The following TTC7B variants were observed in gnomAD, a reference collection of about 807,000 sequenced individuals.
The protein encoded by TTC7B is tetratricopeptide repeat domain 7B, also known as tetratricopeptide repeat protein 7B.
A neutral mutation model predicts 106.8 loss-of-function variants in TTC7B; 28 were observed. That is an observed-to-expected ratio of 0.26 (90% confidence interval 0.19 to 0.36). The LOEUF is 0.36. Ranked by LOEUF, TTC7B falls within the 10% of genes least tolerant of loss-of-function variation. The pLI is 1.00. For missense variants in TTC7B, 862 were observed against 1,076.4 expected (o/e 0.80, Z 2.79); for synonymous variants, 405 against 430.6 (o/e 0.94, Z 0.74).
chr14:90,606,734 T>G (rs1472265657), intron 17 of TTC7B, among the ~76,000 whole-genome samples: 1 of 152,164 alleles, frequency 6.6e-6, no homozygotes, highest in African/African-American at 2.4e-5. Flanking sequence ...GACATGTCTG[T>G]TTAATGAAAC....
chr14:90,661,867 TATAA>T (rs909202357), intron 9 of TTC7B, among the ~76,000 whole-genome samples: 2 of 152,230 alleles, frequency 1.3e-5, no homozygotes, highest in African/African-American at 4.8e-5. Context: ...AGCTAGATGC[TATAA>T]ATAAGTATGC....
chr14:90,649,154 C>T (rs1220886997), intron 13 of TTC7B, among the ~76,000 whole-genome samples: 2 of 152,246 alleles, frequency 1.3e-5, no homozygotes, highest in Non-Finnish European at 2.9e-5. Context: ...AGGGCAACAT[C>T]TGAAGGATTT....
intron 3 of TTC7B, among the ~76,000 whole-genome samples, chr14:90,746,040 C>T (rs1402000850): frequency 6.6e-6 from 1 of 152,076 alleles, no homozygotes; most frequent in Non-Finnish European, 1.5e-5. Flanking sequence ...GAATATTTGC[C>T]TAAAGTTTCC....
At chr14:90,702,904 G>T (rs1160147523) in intron 5 of TTC7B, among the ~76,000 whole-genome samples, 1 of 152,184 alleles carries the variant, frequency 6.6e-6, no homozygotes, top group Non-Finnish European at 1.5e-5. Flanking sequence ...ACAGATGACC[G>T]CGTGTCTGGC....
At chr14:90,767,659 A>G (rs1173639362) in intron 3 of TTC7B, among the ~76,000 whole-genome samples, 1 of 152,208 alleles carries the variant, frequency 6.6e-6, no homozygotes, top group Admixed American at 6.5e-5. Context: ...TCTTTTCTTT[A>G]TAAGCTACCC....
intron 1 of TTC7B, among the ~76,000 whole-genome samples, chr14:90,812,289 T>A: frequency 6.6e-6 from 1 of 152,222 alleles, no homozygotes. Flanking sequence ...GACCTCATCA[T>A]TGGGAGGCTG....
At chr14:90,582,694 C>T (rs752990163) in intron 18 of TTC7B, among the ~76,000 whole-genome samples, 41 of 152,200 alleles carry the variant, frequency 2.7e-4, no homozygotes, top group African/African-American at 7.0e-4. Context: ...ATTTGAGCCC[C>T]GCAGCTCTAT....
Position 90,655,077 on chromosome 14 carries a change from C to A in TTC7B, c.1375G>T (p.Val459Phe), listed in dbSNP as rs138099673. 5 of 1,614,050 alleles carry A rather than the reference C, an allele frequency of 3.1e-6. No homozygotes were observed. In the African/African-American group the frequency reaches 6.7e-5, roughly 22 times the overall value. Residue 459 changes from valine to phenylalanine, a missense_variant, in exon 12 of 20, where the codon GTT becomes TTT. Physicochemically the swap from Val to Phe is conservative, Grantham distance 50. Transcript: ENST00000328459. ...EEAEKFAKTV[V>F]DVGEKTSEFK... ...TCTGACGTTTTCTCTCCCACATCAACGACAGTTTTGGCAAACTTTTCAGCC... is the reference window on the plus strand; with the variant it reads ...TCTGACGTTTTCTCTCCCACATCAAAGACAGTTTTGGCAAACTTTTCAGCC...
chr14:90,721,028 T>G (rs983410054), intron 5 of TTC7B, among the ~76,000 whole-genome samples: 5 of 152,134 alleles, frequency 3.3e-5, no homozygotes, highest in Non-Finnish European at 7.4e-5. Flanking sequence ...CCAGTTCATC[T>G]GTCAAGGAAT....
intron 1 of TTC7B, among the ~76,000 whole-genome samples, chr14:90,803,907 C>T (rs2030430603): frequency 6.6e-6 from 1 of 151,952 alleles, no homozygotes; most frequent in Admixed American, 6.6e-5. Context: ...TTGGCCTGTC[C>T]CCGGAGCCCA....
intron 15 of TTC7B, among the ~76,000 whole-genome samples, chr14:90,628,648 C>A (rs917027087): frequency 6.6e-6 from 1 of 152,208 alleles, no homozygotes; most frequent in Admixed American, 6.5e-5. Flanking sequence ...AGGGGCCTGG[C>A]AGGGCACTGG....
In TTC7B at chr14:90,624,359, C is replaced by T. The variant is rs966827395; in HGVS notation, c.1752-6314G>A. On this transcript the variant is annotated intron_variant, in intron 15 of 19. Transcript: ENST00000328459. The surrounding 1 kb of genome is among the most constrained non-coding windows in gnomAD (Gnocchi z 4.0). The stretch of plus-strand genomic sequence containing the variant: ...GCCCCTGGGGAAGCTCTGGGGCACG[C>T]GGCATTGTGACTGTCCAGTGTTCAC... 4.6e-5 allele frequency among the ~76,000 whole-genome samples: 7 copies of T among 152,262 alleles called. No homozygotes were observed. The highest frequency in any genetic ancestry group is 1.9e-4 in the East Asian group (1 of 5,178).
Position 90,657,084 on chromosome 14 carries a change from C to G in TTC7B, c.1341+90G>C. The G allele has an allele frequency of 9.0e-7, 1 of 1,114,774 alleles. No individual in the cohort carries two copies. Among genetic ancestry groups the G allele is most frequent in the Non-Finnish European group, 1.3e-6 (1 of 760,302 alleles). 69.1% of individuals were successfully genotyped at this position (1,114,774 alleles called of 1,614,324 possible). A position where few individuals can be genotyped will look rare whatever the true frequency, so the allele number is the denominator to read the frequency against. ...CTTTGTACAGCTGATGAATCACCCT[C>G]GCTTTCTCTCTGTGCCTCGACATGA... On this transcript the variant is annotated intron_variant, in intron 11 of 19. Transcript: ENST00000328459. This position sits in a 1 kb window ranked among gnomAD's most constrained non-coding sequence, Gnocchi z 4.2.
intron 5 of TTC7B, among the ~76,000 whole-genome samples, chr14:90,724,040 C>T (rs545680836): frequency 3.3e-5 from 5 of 152,228 alleles, no homozygotes; most frequent in South Asian, 2.1e-4. Flanking sequence ...CACACAATAC[C>T]GAGTACAGTT....
chr14:90,573,587 C>CGGCTCACGGTCCCTCTCA (rs1482130798), intron 19 of TTC7B, among the ~76,000 whole-genome samples: 1 of 136,118 alleles, frequency 7.3e-6, no homozygotes, highest in Non-Finnish European at 1.6e-5. Context: ...GGTCCCTCTC[C>CGGCTCACGGTCCCTCTCA]GGCTCACGGT....
At chr14:90,541,918 G>C (rs988346056) in intron 19 of TTC7B, among the ~76,000 whole-genome samples, 1 of 152,324 alleles carries the variant, frequency 6.6e-6, no homozygotes, top group African/African-American at 2.4e-5. Flanking sequence ...CGTCAGCATG[G>C]GATGGGACTA....
intron 17 of TTC7B, among the ~76,000 whole-genome samples, chr14:90,598,077 C>T (rs933419047): frequency 6.6e-6 from 1 of 152,240 alleles, no homozygotes; most frequent in African/African-American, 2.4e-5. Context: ...CCCGCCACTG[C>T]CAGAGCCCAC....
Position 90,632,813 on chromosome 14 carries a change from A to G in TTC7B, c.1751+11235T>C, listed in dbSNP as rs61987027. 8.4e-3 allele frequency among the ~76,000 whole-genome samples: 1,280 copies of G among 152,344 alleles called. 6 individuals carry two copies. The highest frequency in any genetic ancestry group is 0.011 in the Non-Finnish European group (775 of 68,030). ...TATCTACAAAATGAAAATAATAACAAAACTACCCACCATAGATAGTTCTTG... is the reference window on the plus strand; with the variant it reads ...TATCTACAAAATGAAAATAATAACAGAACTACCCACCATAGATAGTTCTTG... On this transcript the variant is annotated intron_variant, in intron 15 of 19. Coordinates refer to ENST00000328459, the MANE Select transcript of TTC7B (RefSeq NM_001010854.2).
At chr14:90,581,813 G>C (rs1451089266) in intron 18 of TTC7B, among the ~76,000 whole-genome samples, 3 of 152,222 alleles carry the variant, frequency 2.0e-5, no homozygotes, top group African/African-American at 7.2e-5. Context: ...GTGATTCCAA[G>C]TATCTCACTG....
Sources: gnomAD v4.1 joint callset for allele counts (sites outside exome capture counted in the v4.1 genomes callset) on GRCh38, gnomAD v4.1.1 for gene constraint, Gnocchi (gnomAD v3.1) non-coding constraint, MANE v1.5 for transcripts, NCBI Gene and HGNC (gene_info 2026-07-23, HGNC 2026-07-21) for gene names.